KITLG: variants seen among roughly 807,000 people sequenced by gnomAD.
KITLG encodes the protein c-Kit ligand.
In KITLG, 13 loss-of-function variants were observed where a neutral mutation model predicts 34.1. The observed-to-expected ratio is 0.38, with a 90% CI of 0.25 to 0.61. The LOEUF is 0.61. KITLG is among the 20% of genes least tolerant of loss of function. The pLI, the probability that KITLG is intolerant of heterozygous loss-of-function variation, is 0.60. For missense variants in KITLG, 292 were observed against 318.9 expected (o/e 0.92, Z 0.64); for synonymous variants, 110 against 104.0 (o/e 1.06, Z -0.35).
intron 1 of KITLG, among the ~76,000 whole-genome samples, chr12:88,560,534 G>T (rs781187109): frequency 6.6e-6 from 1 of 152,158 alleles, no homozygotes; most frequent in East Asian, 1.9e-4. Flanking sequence ...ATTTGGATCC[G>T]CTCTTCCAAG....
At position 88,493,352 on chromosome 12, in the gene KITLG, T is replaced by C. The variant is rs556408150; in HGVS notation, c.*3867A>G. On this transcript the variant is annotated 3_prime_UTR_variant, in exon 10 of 10. Coordinates refer to ENST00000644744, the MANE Select transcript of KITLG (RefSeq NM_000899.5). ...ATTTCAGGATCACAAATATCCATTT[T>C]AGCATGGATTATTTCTTGAAAAAAA... The C allele has an allele frequency of 1.0e-4, 16 of 152,398 alleles. No individual in the cohort carries two copies. Among genetic ancestry groups the C allele is most frequent in the Admixed American group, 2.6e-4 (4 of 15,224 alleles). 9.4% of individuals were successfully genotyped at this position (152,398 alleles called of 1,614,324 possible).
intron 2 of KITLG, among the ~76,000 whole-genome samples, chr12:88,535,751 A>C (rs1870291859): frequency 6.6e-6 from 1 of 152,202 alleles, no homozygotes; most frequent in Non-Finnish European, 1.5e-5. Context: ...AGCTACATGC[A>C]TACAAGCCAT....
chr12:88,500,702 C>T (rs1174394545), intron 9 of KITLG, among the ~76,000 whole-genome samples: 1 of 152,224 alleles, frequency 6.6e-6, no homozygotes, highest in African/African-American at 2.4e-5. Flanking sequence ...TTGGCATAAG[C>T]TATGTGACCA....
At position 88,520,972 on chromosome 12, in the gene KITLG, G is replaced by A. The variant is rs73439015; in HGVS notation, c.193-2105C>T. 3.0e-3 allele frequency among the ~76,000 whole-genome samples: 458 copies of A among 152,138 alleles called. 8 individuals carry two copies. Among genetic ancestry groups the A allele is most frequent in the African/African-American group, 0.01 (430 of 41,508 alleles). On this transcript the variant is annotated intron_variant, in intron 3 of 9. Coordinates refer to ENST00000644744, the MANE Select transcript of KITLG (RefSeq NM_000899.5). ...TTCCACAATCTAATCCTACTCTAAT[G>A]TTTGCCCTTCTAAAGTCATGAACAA...
intron 9 of KITLG, among the ~76,000 whole-genome samples, chr12:88,500,647 C>T (rs539087778): frequency 6.6e-6 from 1 of 152,318 alleles, no homozygotes; most frequent in Non-Finnish European, 1.5e-5. Flanking sequence ...TTGCTATCCA[C>T]AACCCAATAT....
chr12:88,526,277 A>G (rs1395431927), intron 3 of KITLG, among the ~76,000 whole-genome samples: 6 of 152,216 alleles, frequency 3.9e-5, no homozygotes, highest in African/African-American at 9.6e-5. Flanking sequence ...CCAAAATTGC[A>G]TAATACAATT....
rs377036732 is a variant in KITLG, at chr12:88,521,381, G to T, written c.193-2514C>A. 4.6e-5 allele frequency among the ~76,000 whole-genome samples: 7 copies of T among 152,156 alleles called. No homozygotes were observed. The East Asian group carries it at 7.7e-4, about 17-fold the overall frequency. ...ACAATGAACTAAGTATTTCATTTGT[G>T]AGGTGATAGCAGGTCTTTCTGTTTT... is the stretch of plus-strand genomic sequence containing the variant. On this transcript the variant is annotated intron_variant, in intron 3 of 9. Coordinates refer to ENST00000644744, the MANE Select transcript of KITLG (RefSeq NM_000899.5).
At chr12:88,557,743 A>G (rs974117588) in intron 1 of KITLG, among the ~76,000 whole-genome samples, 11 of 152,172 alleles carry the variant, frequency 7.2e-5, no homozygotes, top group Admixed American at 1.3e-4. Flanking sequence ...CAAAGTATGG[A>G]AACATAATTT....
At chr12:88,558,149 T>C (rs1871161701) in intron 1 of KITLG, among the ~76,000 whole-genome samples, 1 of 152,272 alleles carries the variant, frequency 6.6e-6, no homozygotes, top group East Asian at 1.9e-4. Flanking sequence ...TAGAACCTTT[T>C]TGTGTTTTTT....
chr12:88,538,359 T>C (rs911667554), intron 2 of KITLG, among the ~76,000 whole-genome samples: 1 of 151,836 alleles, frequency 6.6e-6, no homozygotes, highest in African/African-American at 2.4e-5. Flanking sequence ...AGCAAGTTGC[T>C]TCTGCTTAGA....
rs1252022246 is a variant in KITLG at position 88,493,558 on chromosome 12, A to C, written c.*3661T>G. On this transcript the variant is annotated 3_prime_UTR_variant, in exon 10 of 10. Coordinates refer to ENST00000644744, the MANE Select transcript of KITLG (RefSeq NM_000899.5). ...CAATTTCAAAATAATATTGTTTCAAAGATAAGCTGGTTTACTTTAGATTTC... is the reference window on the plus strand; with the variant it reads ...CAATTTCAAAATAATATTGTTTCAACGATAAGCTGGTTTACTTTAGATTTC... The C allele has an allele frequency of 6.6e-6, 1 of 151,920 alleles. No homozygotes were observed. The highest frequency in any genetic ancestry group is 1.9e-4 in the East Asian group (1 of 5,188). The allele number at this position is 151,920 out of a possible 1,614,324, so 9.4% of individuals were successfully genotyped here. A position where few individuals can be genotyped will look rare whatever the true frequency, so the allele number is the denominator to read the frequency against.
intron 1 of KITLG, among the ~76,000 whole-genome samples, chr12:88,561,708 C>T (rs1276074264): frequency 6.6e-6 from 1 of 152,162 alleles, no homozygotes; most frequent in Non-Finnish European, 1.5e-5. Context: ...CAGACTTGTC[C>T]AACTCCATGT....
chr12:88,529,231 A>T (rs1869989813), intron 3 of KITLG, among the ~76,000 whole-genome samples: 1 of 152,202 alleles, frequency 6.6e-6, no homozygotes, highest in Non-Finnish European at 1.5e-5. Context: ...ATGCTATGGA[A>T]GTTCAAGTGA....
intron 2 of KITLG, among the ~76,000 whole-genome samples, chr12:88,541,645 T>C (rs1273854714): frequency 1.3e-5 from 2 of 152,192 alleles, no homozygotes; most frequent in Non-Finnish European, 2.9e-5. Flanking sequence ...TGACCCTTTC[T>C]TTAGGTAAGT....
At position 88,549,960 on chromosome 12, in the gene KITLG, T is replaced by C. The variant is rs186945253; in HGVS notation, c.16-4095A>G. ...CTTTAAGGAAAATAGGGTCAAACTA[T>C]GTCAAATGCCAGTTATAGGCCGAGT... is the stretch of plus-strand genomic sequence containing the variant. On this transcript the variant is annotated intron_variant, in intron 1 of 9. Transcript: ENST00000644744. Among the ~76,000 whole-genome samples, 260 of 152,274 alleles carry C rather than the reference T, an allele frequency of 1.7e-3. 2 individuals carry two copies. The highest frequency in any genetic ancestry group is 3.4e-3 in the Middle Eastern group (1 of 294).
intron 1 of KITLG, among the ~76,000 whole-genome samples, chr12:88,565,209 A>G (rs141798991): frequency 6.6e-6 from 1 of 152,356 alleles, no homozygotes; most frequent in East Asian, 1.9e-4. Context: ...GTATTGCACT[A>G]GCTACCTATT....
At chr12:88,518,251 G>T (rs1392804606) in intron 4 of KITLG, among the ~76,000 whole-genome samples, 1 of 152,060 alleles carries the variant, frequency 6.6e-6, no homozygotes, top group African/African-American at 2.4e-5. Context: ...TCCTGAAGTT[G>T]GTGATGATCA....
intron 3 of KITLG, among the ~76,000 whole-genome samples, chr12:88,519,599 T>TTTTATTTA (rs532269679): frequency 2.6e-5 from 4 of 151,988 alleles, no homozygotes; most frequent in East Asian, 3.9e-4. Flanking sequence ...AAGTCAAGCC[T>TTTTATTTA]TTTATTTATT....
intron 3 of KITLG, among the ~76,000 whole-genome samples, chr12:88,530,759 T>G (rs886694127): frequency 6.6e-6 from 1 of 152,202 alleles, no homozygotes; most frequent in Admixed American, 6.5e-5. Flanking sequence ...AACATGAAGA[T>G]ACATGTTCTA....
Sources: allele counts gnomAD v4.1 joint callset (sites outside exome capture counted in the v4.1 genomes callset), GRCh38; gene constraint gnomAD v4.1.1; transcripts MANE v1.5; gene names NCBI Gene and HGNC (gene_info 2026-07-23, HGNC 2026-07-21).